PROC: variants seen among roughly 807,000 people sequenced by gnomAD.
The protein encoded by PROC is protein C, inactivator of coagulation factors Va and VIIIa.
Under a neutral mutation model 36.3 loss-of-function variants are expected in PROC, and 22 were observed. That is an observed-to-expected ratio of 0.61 (90% CI 0.43 to 0.86). The LOEUF is 0.86. PROC is among the 40% of genes least tolerant of loss of function. PROC has a pLI of 0.00. For missense variants in PROC, 526 were observed against 629.7 expected (o/e 0.84, Z 1.76); for synonymous variants, 218 against 244.5 (o/e 0.89, Z 1.01).
rs556582181 is a variant in PROC at position 127,428,240 on chromosome 2, C to T, written c.797-117C>T. ...TGTGGGTGCACAGTCTCCGGGTGAA[C>T]CTTCTTCAGGCCCTCTGCCCAGGCC... On this transcript the variant is annotated intron_variant, in intron 8 of 8. Transcript: ENST00000234071. The T allele has an allele frequency of 2.7e-4, 279 of 1,028,772 alleles. 4 individuals are homozygous for T. The South Asian group carries it at 3.5e-3, about 13-fold the overall frequency. The allele number at this position is 1,028,772 out of a possible 1,614,324, so 63.7% of individuals were successfully genotyped here.
chr2:127,429,039 C>G lies in PROC; in HGVS notation c.*93C>G. On this transcript the variant is annotated 3_prime_UTR_variant, in exon 9 of 9. Coordinates refer to ENST00000234071, the MANE Select transcript of PROC (RefSeq NM_000312.4). ...CACACCGGCCTGCTGTTCTGTCCTT[C>G]CATCCCTCTTTTGGGCTCTTCTGGA... 1.4e-6 allele frequency: 2 copies of G among 1,431,314 alleles called. No homozygotes were observed. Among genetic ancestry groups the G allele is most frequent in the South Asian group, 2.3e-5 (2 of 85,712 alleles). The allele number at this position is 1,431,314 out of a possible 1,614,324, so 88.7% of individuals were successfully genotyped here. A position where few individuals can be genotyped will look rare whatever the true frequency, so the allele number is the denominator to read the frequency against.
In PROC at chr2:127,418,861, G is replaced by A. The variant is rs1687912898; in HGVS notation, c.-22+369G>A. On this transcript the variant is annotated intron_variant, in intron 1 of 8. Coordinates refer to ENST00000234071, the MANE Select transcript of PROC (RefSeq NM_000312.4). The surrounding 1 kb of genome is among the most constrained non-coding windows in gnomAD (Gnocchi z 4.8). Reference sequence around the variant, plus strand: ...CAAGAATGGAGAGCAGGGTCCGGTAGGGTGTGCAGAGGGCCACGTGGCCTA... The same window carrying A: ...CAAGAATGGAGAGCAGGGTCCGGTAAGGTGTGCAGAGGGCCACGTGGCCTA... Among the ~76,000 whole-genome samples, 1 of 152,216 alleles carries A rather than the reference G, an allele frequency of 6.6e-6. No individual in the cohort carries two copies. Among genetic ancestry groups the A allele is most frequent in the African/African-American group, 2.4e-5 (1 of 41,452 alleles).
In PROC at chr2:127,429,081, T is replaced by G; in HGVS notation, c.*135T>G. 1.1e-6 allele frequency: 1 copy of G among 946,966 alleles called. No individual in the cohort carries two copies. The highest frequency in any genetic ancestry group is 1.6e-6 in the Non-Finnish European group (1 of 611,820). 58.7% of individuals were successfully genotyped at this position (946,966 alleles called of 1,614,324 possible). A position where few individuals can be genotyped will look rare whatever the true frequency, so the allele number is the denominator to read the frequency against. On this transcript the variant is annotated 3_prime_UTR_variant, in exon 9 of 9. Transcript: ENST00000234071. ...TCTTCTGGAGGGAAGTAACATTTAC[T>G]GAGCACCTGTTGTATGTCACATGCC...
chr2:127,421,393 G>A lies in PROC; in HGVS notation c.181G>A (p.Glu61Lys). The A allele has an allele frequency of 6.2e-7, 1 of 1,613,976 alleles. No individual in the cohort carries two copies. The highest frequency in any genetic ancestry group is 8.5e-7 in the Non-Finnish European group (1 of 1,179,956). Residue 61 changes from glutamate to lysine, a missense_variant, in exon 3 of 9, where the codon GAG (glutamate) becomes AAG (lysine). Transcript: ENST00000234071. ...RHSSLERECI[E>K]EICDFEEAKE... Reference sequence around the variant, plus strand: ...CAGCAGCCTGGAGCGGGAGTGCATAGAGGAGATCTGTGACTTCGAGGAGGC... The same window carrying A: ...CAGCAGCCTGGAGCGGGAGTGCATAAAGGAGATCTGTGACTTCGAGGAGGC...
At chr2:127,427,808 T>A (rs907221266) in intron 8 of PROC, among the ~76,000 whole-genome samples, 1 of 152,230 alleles carries the variant, frequency 6.6e-6, no homozygotes, top group Non-Finnish European at 1.5e-5. Context: ...CTATGGCCAG[T>A]GGCCCCCCGT....
In PROC at chr2:127,428,399, T is replaced by C; in HGVS notation, c.839T>C (p.Leu280Pro). The C allele has an allele frequency of 1.2e-6, 2 of 1,614,130 alleles. No homozygotes were observed. The highest frequency in any genetic ancestry group is 8.5e-7 in the Non-Finnish European group (1 of 1,180,032). Residue 280 changes from leucine (L) to proline (P), a missense_variant, in exon 9 of 9, where the codon CTG becomes CCG. By Grantham distance (98) the Leu-to-Pro change is moderately conservative. Transcript: ENST00000234071. ...CGCTGGGAGAAGTGGGAGCTGGACC[T>C]GGACATCAAGGAGGTCTTCGTCCAC... ...LRRWEKWELD[L>P]DIKEVFVHPN... is the part of the protein sequence containing the mutation.
Position 127,422,898 on chromosome 2 carries a change from C to G in PROC, c.238-19C>G. 1 of 1,555,672 alleles carries G rather than the reference C, an allele frequency of 6.4e-7. No individual in the cohort carries two copies. The highest frequency in any genetic ancestry group is 8.7e-7 in the Non-Finnish European group (1 of 1,150,490). ...GCACACCGGCTGCAGGAGCCTGACG[C>G]TGCCCGCTCTCTCCGCAGCTGGCCT... On this transcript the variant is annotated intron_variant, in intron 3 of 8. Coordinates refer to ENST00000234071, the MANE Select transcript of PROC (RefSeq NM_000312.4).
intron 8 of PROC, among the ~76,000 whole-genome samples, chr2:127,427,682 T>C (rs545805999): frequency 1.3e-5 from 2 of 152,312 alleles, no homozygotes; most frequent in South Asian, 2.1e-4. Flanking sequence ...GGGGCACCTA[T>C]GCATTGGCCC....
chr2:127,422,767 T>TC, intron 3 of PROC, 150 bp from the exon 4 acceptor site: 1 of 1,126,798 alleles, frequency 8.9e-7, no homozygotes, highest in Non-Finnish European at 1.3e-6. Context: ...GAGCACCAGC[T>TC]CCTAGCAGCC....
Position 127,426,378 on chromosome 2 carries a change from A to G in PROC, c.678+151A>G. On this transcript the variant is annotated intron_variant, in intron 7 of 8. Transcript: ENST00000234071. The surrounding 1 kb of genome is among the most constrained non-coding windows in gnomAD (Gnocchi z 7.0). ...AAGGTGGGGGATGCTTCAGGGAAAGATGGACGCAACCTGAGGGGAGAGGAG... is the reference window on the plus strand; with the variant it reads ...AAGGTGGGGGATGCTTCAGGGAAAGGTGGACGCAACCTGAGGGGAGAGGAG... 9.4e-7 allele frequency: 1 copy of G among 1,068,608 alleles called. No homozygotes were observed. Among genetic ancestry groups the G allele is most frequent in the Non-Finnish European group, 1.3e-6 (1 of 759,138 alleles). The allele number at this position is 1,068,608 out of a possible 1,614,324, so 66.2% of individuals were successfully genotyped here. A position where few individuals can be genotyped will look rare whatever the true frequency, so the allele number is the denominator to read the frequency against.
At chr2:127,428,080 C>T (rs190872835) in intron 8 of PROC, among the ~76,000 whole-genome samples, 4 of 152,228 alleles carry the variant, frequency 2.6e-5, no homozygotes, top group South Asian at 2.1e-4. Context: ...CTCACGGCTC[C>T]GTGACTCCTG....
rs1573462102 is a variant in PROC, at chr2:127,428,949, A to G, written c.*3A>G. 1 of 1,612,914 alleles carries G rather than the reference A, an allele frequency of 6.2e-7. No homozygotes were observed. The highest frequency in any genetic ancestry group is 8.5e-7 in the Non-Finnish European group (1 of 1,179,854). ...CCCAGAAGAGCTGGGCACCTTAGCG[A>G]CCCTCCCTGCAGGGCTGGGCTTTTG... On this transcript the variant is annotated 3_prime_UTR_variant, in exon 9 of 9. Transcript: ENST00000234071.
rs985604985 is a variant in PROC at position 127,426,653 on chromosome 2, G to A, written c.678+426G>A. On this transcript the variant is annotated intron_variant, in intron 7 of 8. Transcript: ENST00000234071. This position sits in a 1 kb window ranked among gnomAD's most constrained non-coding sequence, Gnocchi z 7.0. ...GGGAGATAGGAACCAACAAGTGGGA[G>A]TATTTGCCCTGGGGACTCAGACTCT... 2 of 329,464 alleles carry A rather than the reference G, an allele frequency of 6.1e-6. No individual in the cohort carries two copies. Among genetic ancestry groups the A allele is most frequent in the Non-Finnish European group, 1.2e-5 (2 of 170,614 alleles). The allele number at this position is 329,464 out of a possible 1,614,324, so 20.4% of individuals were successfully genotyped here. A position where few individuals can be genotyped will look rare whatever the true frequency, so the allele number is the denominator to read the frequency against.
chr2:127,423,143 C>A lies in PROC; in HGVS notation c.372C>A (p.Ser124Arg). The A allele has an allele frequency of 6.3e-7, 1 of 1,596,478 alleles. No individual in the cohort carries two copies. The highest frequency in any genetic ancestry group is 1.3e-5 in the African/African-American group (1 of 74,104). Residue 124 changes from serine to arginine, a missense_variant, in exon 5 of 9, where the codon AGC becomes AGA. Ser to Arg is a moderately radical substitution (Grantham distance 110). Coordinates refer to ENST00000234071, the MANE Select transcript of PROC (RefSeq NM_000312.4). ...GCAGCTTCAGCTGCGACTGCCGCAGCGGCTGGGAGGGCCGCTTCTGCCAGC... is the reference window on the plus strand; with the variant it reads ...GCAGCTTCAGCTGCGACTGCCGCAGAGGCTGGGAGGGCCGCTTCTGCCAGC... ...GIGSFSCDCR[S>R]GWEGRFCQRE... is the part of the protein sequence containing the mutation.
Position 127,428,371 on chromosome 2 carries a change from C to A in PROC, c.811C>A (p.Arg271=), listed in dbSNP as rs767112991. The change falls in exon 9 of 9, where the codon CGG becomes AGG. Residue 271 remains arginine (R), a synonymous_variant. Coordinates refer to ENST00000234071, the MANE Select transcript of PROC (RefSeq NM_000312.4). ...LLVRLGEYDL[R]RWEKWELDLD... ...CTGCCCTGCAGGAGAGTATGACCTG[C>A]GGCGCTGGGAGAAGTGGGAGCTGGA... is the stretch of plus-strand genomic sequence containing the variant. The A allele has an allele frequency of 6.2e-7, 1 of 1,613,992 alleles. No homozygotes were observed. Among genetic ancestry groups the A allele is most frequent in the Non-Finnish European group, 8.5e-7 (1 of 1,180,022 alleles).
chr2:127,426,424 A>C lies in PROC; in HGVS notation c.678+197A>C. The C allele has an allele frequency of 2.2e-6, 1 of 448,076 alleles. No individual in the cohort carries two copies. The highest frequency in any genetic ancestry group is 5.3e-5 in the East Asian group (1 of 18,806). The allele number at this position is 448,076 out of a possible 1,614,324, so 27.8% of individuals were successfully genotyped here. On this transcript the variant is annotated intron_variant, in intron 7 of 8. Coordinates refer to ENST00000234071, the MANE Select transcript of PROC (RefSeq NM_000312.4). The surrounding 1 kb of genome is among the most constrained non-coding windows in gnomAD (Gnocchi z 7.0). ...AGGAGCAGCCAGGGTGGGTGAGGGGAGGGGCATGGGGGCATGGAGGGGTCT... is the reference window on the plus strand; with the variant it reads ...AGGAGCAGCCAGGGTGGGTGAGGGGCGGGGCATGGGGGCATGGAGGGGTCT...
Position 127,427,207 on chromosome 2 carries a change from C to A in PROC, c.781C>A (p.Leu261Ile). The A allele has an allele frequency of 6.2e-7, 1 of 1,613,076 alleles. No individual in the cohort carries two copies. Among genetic ancestry groups the A allele is most frequent in the South Asian group, 1.1e-5 (1 of 91,072 alleles). Residue 261 changes from leucine to isoleucine, a missense_variant, in exon 8 of 9, where the codon CTC becomes ATC. Physicochemically the swap from Leu to Ile is conservative, Grantham distance 5. Transcript: ENST00000234071. ...CCACTGCATGGATGAGTCCAAGAAG[C>A]TCCTTGTCAGGCTTGGTATGGGCTG... Reference protein sequence around the residue: ...AAHCMDESKKLLVRLGEYDLR... With the variant: ...AAHCMDESKKILVRLGEYDLR...
At position 127,426,733 on chromosome 2, in the gene PROC, G is replaced by C. The variant is rs1178453032; in HGVS notation, c.679-372G>C. ...GCCCAGTGGGACCACAGCCAGGACG[G>C]CCCTTCAAGATAGGGGCTGAGGGAG... On this transcript the variant is annotated intron_variant, in intron 7 of 8. Coordinates refer to ENST00000234071, the MANE Select transcript of PROC (RefSeq NM_000312.4). This position sits in a 1 kb window ranked among gnomAD's most constrained non-coding sequence, Gnocchi z 7.0. Among the ~76,000 whole-genome samples, 2 of 152,184 alleles carry C rather than the reference G, an allele frequency of 1.3e-5. No homozygotes were observed. The highest frequency in any genetic ancestry group is 4.8e-5 in the African/African-American group (2 of 41,436).
chr2:127,423,661 C>T lies in PROC; in HGVS notation c.535+253C>T, dbSNP rs1025902333. ...GCGTCCCCGCCTTCCTCCGGGCGCC[C>T]CCTGCGCACCTGGGGCCACCTCCTG... On this transcript the variant is annotated intron_variant, in intron 6 of 8. Transcript: ENST00000234071. 18 of 534,048 alleles carry T rather than the reference C, an allele frequency of 3.4e-5. No homozygotes were observed. In the East Asian group the frequency reaches 4.1e-4, roughly 12 times the overall value. The allele number at this position is 534,048 out of a possible 1,614,324, so 33.1% of individuals were successfully genotyped here.
Sources: allele counts gnomAD v4.1 joint callset (sites outside exome capture counted in the v4.1 genomes callset), GRCh38; gene constraint gnomAD v4.1.1; non-coding constraint Gnocchi (gnomAD v3.1); transcripts MANE v1.5; gene names NCBI Gene and HGNC (gene_info 2026-07-23, HGNC 2026-07-21).